The following SLC9B1 variants were observed in gnomAD, a reference collection of about 807,000 sequenced individuals.
SLC9B1 encodes the protein sodium/hydrogen exchanger 9B1.
In SLC9B1, 32 loss-of-function variants were observed where a neutral mutation model predicts 51.7. The ratio of observed to expected loss-of-function variants is 0.62; its 90% CI spans 0.47 to 0.83. The LOEUF (loss-of-function observed/expected upper bound fraction) is 0.83, where lower values mean the gene tolerates loss of function less well. SLC9B1 is among the 40% of genes least tolerant of loss of function. The probability of loss-of-function intolerance (pLI) is 0.00; values close to 1 mark genes in which losing one functional copy is unlikely to be tolerated. For synonymous variants in SLC9B1, 145 were observed against 212.7 expected, an observed-to-expected ratio of 0.68 and a Z score of 2.77; for missense variants, 406 against 613.2, an observed-to-expected ratio of 0.66 and a Z score of 3.57.
intron 1 of SLC9B1, among the ~76,000 whole-genome samples, chr4:102,999,351 T>C (rs538111761): frequency 6.6e-6 from 1 of 152,364 alleles, no homozygotes; most frequent in South Asian, 2.1e-4. Context: ...TTTGGCATCA[T>C]AGCCGAGAAG....
At chr4:102,977,426 T>A (rs551967324) in intron 3 of SLC9B1, among the ~76,000 whole-genome samples, 2 of 152,226 alleles carry the variant, frequency 1.3e-5, no homozygotes, top group Middle Eastern at 6.8e-3. Flanking sequence ...AACAGGATTC[T>A]GGTTAAATAA....
rs145033696 is a variant in SLC9B1 at position 102,977,192 on chromosome 4, T to C, written c.211+12608A>G. Among the ~76,000 whole-genome samples the C allele has an allele frequency of 1.1e-3, 164 of 150,274 alleles. 1 individual carries two copies. The highest frequency in any genetic ancestry group is 7.0e-3 in the Middle Eastern group (2 of 286). On this transcript the variant is annotated intron_variant, in intron 3 of 11. Transcript: ENST00000296422. The stretch of plus-strand genomic sequence containing the variant: ...AGAGAGAAATATTATGGAAGTGGAA[T>C]TGATAGGGCTTATAAACAAACTGAA...
At chr4:102,905,211 T>TTATTTATTTATTTATTTATA (rs1734976532) in intron 11 of SLC9B1, among the ~76,000 whole-genome samples, 1 of 141,888 alleles carries the variant, frequency 7.0e-6, no homozygotes, top group Non-Finnish European at 1.5e-5. Flanking sequence ...TTGTTTTTGT[T>TTATTTATTTATTTATTTATA]TATTTATTTA....
rs1733852380 is a variant in SLC9B1 at position 102,885,316 on chromosome 4, T to C, written c.1345A>G (p.Ile449Val). 6.2e-7 allele frequency: 1 copy of C among 1,614,072 alleles called. No homozygotes were observed. The highest frequency in any genetic ancestry group is 8.5e-7 in the Non-Finnish European group (1 of 1,179,926). Residue 449 changes from isoleucine to valine, a missense_variant, in exon 12 of 12, where the codon ATC becomes GTC. Coordinates refer to the SLC9B1 transcript ENST00000394789. ...TCCCGAAGAAGAAACAACAGAAGGA[T>C]AGCTTGATTAATCTTAAAATACAAA... is the stretch of plus-strand genomic sequence containing the variant.
intron 6 of SLC9B1, chr4:102,941,502 G>A (rs1468507785): frequency 4.4e-6 from 2 of 455,050 alleles, no homozygotes; most frequent in African/African-American, 4.0e-5. Context: ...AACAGATGCT[G>A]GCGAGCTTGG....
chr4:103,019,410 G>A (rs966823148), intron 1 of SLC9B1, among the ~76,000 whole-genome samples, 189 bp downstream of exon 1: 2 of 152,232 alleles, frequency 1.3e-5, no homozygotes, highest in African/African-American at 4.8e-5. Context: ...AGTAAGGAAA[G>A]GAGTCACGGA....
chr4:102,963,260 C>T, intron 3 of SLC9B1: 1 of 338,304 alleles, frequency 3.0e-6, no homozygotes. Flanking sequence ...GCCTGTCACA[C>T]CAAGAAGGAC....
At chr4:102,935,109 A>G (rs1264972682) in intron 6 of SLC9B1, among the ~76,000 whole-genome samples, 5 of 152,208 alleles carry the variant, frequency 3.3e-5, no homozygotes, top group Non-Finnish European at 7.3e-5. Context: ...TGCAATACAT[A>G]TAATTTACAA....
rs1201236910 is a variant in SLC9B1, at chr4:102,905,546, C to T, written c.1300G>A (p.Ala434Thr). Residue 434 changes from alanine to threonine, a missense_variant, in exon 11 of 12, where the codon GCT becomes ACT. Ala to Thr is a moderately conservative substitution (Grantham distance 58). This residue lies in a region of SLC9B1 where 4 missense variants were observed against 26.5 expected (regional missense o/e 0.15). Transcript: ENST00000296422. ...GFSFKEKIFI[A>T]LAWMPKATVQ... Reference sequence around the variant, plus strand: ...GTAGCTTTGGGCATCCATGCTAAAGCAATAAATATTTTCTCCTTAAAACTA... The same window carrying T: ...GTAGCTTTGGGCATCCATGCTAAAGTAATAAATATTTTCTCCTTAAAACTA... 4 of 1,611,124 alleles carry T rather than the reference C, an allele frequency of 2.5e-6. No individual in the cohort carries two copies. The Admixed American group carries it at 6.7e-5, about 27-fold the overall frequency.
intron 2 of SLC9B1, 69 bp from the exon 3 acceptor site, chr4:102,990,010 C>A: frequency 1.6e-6 from 2 of 1,249,642 alleles, no homozygotes; most frequent in Non-Finnish European, 2.2e-6. Context: ...AAATAAACCA[C>A]CAAATTTTAG....
intron 1 of SLC9B1, among the ~76,000 whole-genome samples, chr4:103,015,998 T>C (rs2110546982): frequency 6.6e-6 from 1 of 151,534 alleles, no homozygotes; most frequent in East Asian, 1.9e-4. Context: ...GCATGGTGTG[T>C]TGGTGTGCGC....
chr4:102,930,155 C>A (rs1321245035), intron 7 of SLC9B1, among the ~76,000 whole-genome samples: 1 of 152,088 alleles, frequency 6.6e-6, no homozygotes. Context: ...CACTAGTATT[C>A]AAAATACTTC....
At chr4:102,956,687 C>T (rs1697510031) in intron 3 of SLC9B1, among the ~76,000 whole-genome samples, 1 of 152,132 alleles carries the variant, frequency 6.6e-6, no homozygotes, top group South Asian at 2.1e-4. Context: ...GATTACACAG[C>T]ACATGTATAG....
chr4:102,977,297 T>TAAAAAAAAAAAAAAAAAA (rs3974480), intron 3 of SLC9B1, among the ~76,000 whole-genome samples: 2 of 129,324 alleles, frequency 1.5e-5, no homozygotes, highest in African/African-American at 2.7e-5. Flanking sequence ...TATTATAACT[T>TAAAAAAAAAAAAAAAAAA]AAAAAAAAAA....
intron 6 of SLC9B1, among the ~76,000 whole-genome samples, chr4:102,944,056 A>G: frequency 6.6e-6 from 1 of 152,180 alleles, no homozygotes; most frequent in Non-Finnish European, 1.5e-5. Context: ...GCCACAAGAA[A>G]GAACGAGATC....
chr4:102,909,441 A>G (rs913938857), intron 9 of SLC9B1, among the ~76,000 whole-genome samples: 25 of 152,260 alleles, frequency 1.6e-4, no homozygotes, highest in African/African-American at 4.8e-4. Context: ...CGTCTCTACT[A>G]AAAATACAAA....
chr4:102,972,677 T>G (rs938098452), intron 3 of SLC9B1, among the ~76,000 whole-genome samples: 7 of 152,228 alleles, frequency 4.6e-5, no homozygotes, highest in African/African-American at 1.7e-4. Flanking sequence ...TATGTAAGTA[T>G]TCAAAAACTG....
At chr4:102,895,351 G>A (rs575108252) in intron 11 of SLC9B1, among the ~76,000 whole-genome samples, 2 of 152,230 alleles carry the variant, frequency 1.3e-5, no homozygotes, top group East Asian at 1.9e-4. Context: ...GAGACAGGAA[G>A]GGTGGGAGAG....
At chr4:102,948,325 TACACACACACACACACAC>T (rs375091561) in intron 4 of SLC9B1, among the ~76,000 whole-genome samples, 2 of 127,466 alleles carry the variant, frequency 1.6e-5, no homozygotes, top group East Asian at 2.2e-4. Context: ...GGCAAAGCCA[TACACACACACACACACAC>T]ACACACACAC....
Sources: allele counts gnomAD v4.1 joint callset (sites outside exome capture counted in the v4.1 genomes callset), GRCh38; gene constraint gnomAD v4.1.1; regional missense constraint gnomAD v4.1.1; transcripts MANE v1.5; gene names NCBI Gene and HGNC (gene_info 2026-07-23, HGNC 2026-07-21).